CCSER1: variants seen among roughly 807,000 people sequenced by gnomAD.
The protein encoded by CCSER1 is coiled-coil serine rich protein 1, also known as serine-rich coiled-coil domain-containing protein 1.
A neutral mutation model predicts 82.0 loss-of-function variants in CCSER1; 41 were observed. That is an observed-to-expected ratio of 0.50 (90% CI 0.39 to 0.65). The LOEUF is 0.65. Ranked by LOEUF, CCSER1 falls within the 30% of genes least tolerant of loss-of-function variation. The pLI, the probability that CCSER1 is intolerant of heterozygous loss-of-function variation, is 0.00. For synonymous variants in CCSER1, 414 were observed against 383.9 expected (o/e 1.08, Z -0.92); for missense variants, 1,119 against 1,064.2 (o/e 1.05, Z -0.72).
intron 9 of CCSER1, among the ~76,000 whole-genome samples, chr4:91,042,868 C>G (rs936677259): frequency 5.9e-5 from 9 of 152,080 alleles, no homozygotes; most frequent in Non-Finnish European, 1.0e-4. Context: ...TTCTTGAAAA[C>G]AAAGATCTCT....
intron 10 of CCSER1, among the ~76,000 whole-genome samples, chr4:91,460,826 G>C (rs1406841548): frequency 6.6e-6 from 1 of 152,066 alleles, no homozygotes; most frequent in Non-Finnish European, 1.5e-5. Context: ...CTACAGAGAA[G>C]GATGGTTGCT....
chr4:91,118,487 T>A (rs553812568), intron 10 of CCSER1, among the ~76,000 whole-genome samples: 1 of 151,936 alleles, frequency 6.6e-6, no homozygotes, highest in Non-Finnish European at 1.5e-5. Context: ...GTTGCCCTGG[T>A]TGGTCTCTAA....
In CCSER1 at chr4:91,051,609, G is replaced by T. The variant is rs1317155649; in HGVS notation, c.2173-34341G>T. On this transcript the variant is annotated intron_variant, in intron 9 of 10. Coordinates refer to ENST00000509176, the MANE Select transcript of CCSER1 (RefSeq NM_001145065.2). ...AGGGGCAAAACACTAAAAATGGATTGATGGTCCATTAATATTGTCATAGCT... is the reference window on the plus strand; with the variant it reads ...AGGGGCAAAACACTAAAAATGGATTTATGGTCCATTAATATTGTCATAGCT... 2.6e-5 allele frequency among the ~76,000 whole-genome samples: 4 copies of T among 152,070 alleles called. No homozygotes were observed. The East Asian group carries it at 7.7e-4, about 29-fold the overall frequency.
rs1316718578 is a variant in CCSER1, at chr4:91,598,853, A to T, written c.2499A>T (p.Thr833=). The T allele has an allele frequency of 1.3e-6, 2 of 1,551,524 alleles. No homozygotes were observed. Among genetic ancestry groups the T allele is most frequent in the East Asian group, 2.4e-5 (1 of 40,930 alleles). The change falls in exon 11 of 11, where the codon ACA becomes ACT. Residue 833 remains threonine, a synonymous_variant. Transcript: ENST00000509176. ...TTGGGCAGAGCTCTCTGAAGCCAAC[A>T]GCTAAGACAGAAGGGCTCTCCACGT... ...ATVGQSSLKP[T]AKTEGLSTFL...
intron 1 of CCSER1, among the ~76,000 whole-genome samples, chr4:90,230,168 A>T (rs1314087354): frequency 6.6e-6 from 1 of 152,178 alleles, no homozygotes; most frequent in South Asian, 2.1e-4. Flanking sequence ...CAGAATATAC[A>T]TTTTTTTCAG....
chr4:90,633,727 T>G (rs950392700), intron 6 of CCSER1, among the ~76,000 whole-genome samples: 6 of 151,998 alleles, frequency 3.9e-5, no homozygotes, highest in Non-Finnish European at 8.8e-5. Context: ...ACTTCTTATT[T>G]GTTTGGCTGA....
chr4:91,080,569 A>G (rs1279081228), intron 9 of CCSER1, among the ~76,000 whole-genome samples: 2 of 152,240 alleles, frequency 1.3e-5, no homozygotes, highest in African/African-American at 4.8e-5. Flanking sequence ...CTAAGATCAG[A>G]GCAGAACTGA....
At chr4:90,700,592 T>C (rs1315524355) in intron 6 of CCSER1, among the ~76,000 whole-genome samples, 1 of 152,228 alleles carries the variant, frequency 6.6e-6, no homozygotes, top group Non-Finnish European at 1.5e-5. Flanking sequence ...TGAACTAGTT[T>C]ACAGTCCCAC....
At chr4:90,811,021 ACG>A (rs375951078) in intron 7 of CCSER1, among the ~76,000 whole-genome samples, 70 of 151,676 alleles carry the variant, frequency 4.6e-4, no homozygotes, top group African/African-American at 1.6e-3. Flanking sequence ...TTTAGTAGAG[ACG>A]GGGTTTCATT....
intron 8 of CCSER1, among the ~76,000 whole-genome samples, chr4:90,921,061 C>A (rs958542927): frequency 6.6e-6 from 1 of 150,874 alleles, no homozygotes; most frequent in African/African-American, 2.4e-5. Context: ...GCAATTCTAC[C>A]CTCTAGTAAT....
At chr4:90,489,340 G>A (rs1383921903) in intron 5 of CCSER1, among the ~76,000 whole-genome samples, 1 of 152,020 alleles carries the variant, frequency 6.6e-6, no homozygotes, top group Admixed American at 6.6e-5. Flanking sequence ...CTTTTGAGCT[G>A]CAAAAGAGAA....
At chr4:91,469,924 T>C (rs988596934) in intron 10 of CCSER1, among the ~76,000 whole-genome samples, 2 of 152,198 alleles carry the variant, frequency 1.3e-5, no homozygotes, top group Non-Finnish European at 2.9e-5. Flanking sequence ...TCATAAGCTA[T>C]GAAACTCCAT....
At chr4:90,775,424 T>G (rs1472604558) in intron 7 of CCSER1, among the ~76,000 whole-genome samples, 1 of 152,170 alleles carries the variant, frequency 6.6e-6, no homozygotes, top group African/African-American at 2.4e-5. Flanking sequence ...GTAAAAGAGA[T>G]AAGGTTGTAA....
chr4:90,472,271 G>C (rs1397878233), intron 5 of CCSER1, among the ~76,000 whole-genome samples: 1 of 152,068 alleles, frequency 6.6e-6, no homozygotes, highest in Non-Finnish European at 1.5e-5. Flanking sequence ...GAAAGAATAT[G>C]TAATATATAA....
chr4:90,723,969 C>A lies in CCSER1; in HGVS notation c.1988C>A (p.Thr663Asn). 6.3e-7 allele frequency: 1 copy of A among 1,578,108 alleles called. No homozygotes were observed. The highest frequency in any genetic ancestry group is 1.2e-5 in the South Asian group (1 of 85,294). ...STTSLPVSPL[T>N]EEPVPFKDIM... is the part of the protein sequence containing the mutation. Reference sequence around the variant, plus strand: ...ACGTCACTTCCTGTTAGTCCTCTTACTGAAGAGCCAGTGCCTTTCAAGGTA... The same window carrying A: ...ACGTCACTTCCTGTTAGTCCTCTTAATGAAGAGCCAGTGCCTTTCAAGGTA... The change falls in exon 7 of 11, where the codon ACT (threonine) becomes AAT (asparagine). Residue 663 changes from threonine to asparagine, a missense_variant. Coordinates refer to ENST00000509176, the MANE Select transcript of CCSER1 (RefSeq NM_001145065.2).
At chr4:90,894,557 G>A (rs191301721) in intron 8 of CCSER1, among the ~76,000 whole-genome samples, 1 of 151,874 alleles carries the variant, frequency 6.6e-6, no homozygotes, top group Non-Finnish European at 1.5e-5. Context: ...TCTATTAGCT[G>A]CATCTCTCCC....
intron 4 of CCSER1, among the ~76,000 whole-genome samples, chr4:90,412,268 G>A (rs966429074): frequency 8.7e-5 from 12 of 137,850 alleles, no homozygotes; most frequent in Non-Finnish European, 1.8e-4. Context: ...TGAACAATGA[G>A]AACACATGGA....
At chr4:91,031,562 A>G (rs566024823) in intron 9 of CCSER1, among the ~76,000 whole-genome samples, 1 of 152,144 alleles carries the variant, frequency 6.6e-6, no homozygotes, top group Non-Finnish European at 1.5e-5. Context: ...CCTTTCATAT[A>G]AAAATCGTCT....
intron 7 of CCSER1, among the ~76,000 whole-genome samples, chr4:90,791,892 A>T (rs1755310729): frequency 6.6e-6 from 1 of 152,080 alleles, no homozygotes; most frequent in Non-Finnish European, 1.5e-5. Flanking sequence ...AGGCTAAAGT[A>T]TAGGCTAAAT....
Sources: gnomAD v4.1 joint callset for allele counts (sites outside exome capture counted in the v4.1 genomes callset) on GRCh38, gnomAD v4.1.1 for gene constraint, MANE v1.5 for transcripts, NCBI Gene and HGNC (gene_info 2026-07-23, HGNC 2026-07-21) for gene names.